ZKSCAN2: variants seen among roughly 807,000 people sequenced by gnomAD.
The protein encoded by ZKSCAN2 is zinc finger protein with KRAB and SCAN domains 2.
A neutral mutation model predicts 90.5 loss-of-function variants in ZKSCAN2; 38 were observed. That is an observed-to-expected ratio of 0.42 (90% CI 0.32 to 0.55). The LOEUF is 0.55. Ranked by LOEUF, ZKSCAN2 falls within the 20% of genes least tolerant of loss-of-function variation. The pLI is 0.11. For missense variants in ZKSCAN2, 1,167 were observed against 1,202.6 expected (o/e 0.97, Z 0.44); for synonymous variants, 429 against 421.6 (o/e 1.02, Z -0.22).
rs191901989 is a variant in ZKSCAN2, at chr16:25,253,901, G to A, written c.587-864C>T. ...CACACGCCTGTAATCCCAGCTACTC[G>A]AGAGACTGAGGCACGAGAATTGCTG... On this transcript the variant is annotated intron_variant, in intron 2 of 6. Transcript: ENST00000328086. 3.5e-4 allele frequency among the ~76,000 whole-genome samples: 53 copies of A among 152,316 alleles called. 1 individual carries two copies. The highest frequency in any genetic ancestry group is 1.2e-3 in the African/African-American group (51 of 41,572).
Position 25,239,789 on chromosome 16 carries a change from G to A in ZKSCAN2, c.*27C>T. The A allele has an allele frequency of 6.5e-7, 1 of 1,538,492 alleles. No individual in the cohort carries two copies. Among genetic ancestry groups the A allele is most frequent in the Admixed American group, 2.1e-5 (1 of 48,664 alleles). The stretch of plus-strand genomic sequence containing the variant: ...ATGAGATTAGGGTAAAATGGCTAAG[G>A]GGGCATTTAGGAAGAGAAGATCATC... On this transcript the variant is annotated 3_prime_UTR_variant, in exon 7 of 7. Transcript: ENST00000328086.
In ZKSCAN2 at chr16:25,246,890, CAGTGGACGG is replaced by C. The variant is rs1281541235; in HGVS notation, c.1297_1305del (p.Pro433_Thr435del). 3 of 1,614,082 alleles carry C rather than the reference CAGTGGACGG, an allele frequency of 1.9e-6. No individual in the cohort carries two copies. Among genetic ancestry groups the C allele is most frequent in the Non-Finnish European group, 2.5e-6 (3 of 1,180,038 alleles). The stretch of plus-strand genomic sequence containing the variant: ...ACAGGTATCATCTCCTTTGGTTTAT[CAGTGGACGG>C]AGCACGGGCTGCAGGGTTCAACAAA... On this transcript the variant is annotated inframe_deletion, in exon 5 of 7. Transcript: ENST00000328086.
Position 25,257,234 on chromosome 16 carries a change from T to C in ZKSCAN2, c.-107A>G. 6.8e-7 allele frequency: 1 copy of C among 1,470,662 alleles called. No individual in the cohort carries two copies. Among genetic ancestry groups the C allele is most frequent in the Non-Finnish European group, 9.0e-7 (1 of 1,115,596 alleles). The allele number at this position is 1,470,662 out of a possible 1,614,324, so 91.1% of individuals were successfully genotyped here. A position where few individuals can be genotyped will look rare whatever the true frequency, so the allele number is the denominator to read the frequency against. On this transcript the variant is annotated 5_prime_UTR_variant, in exon 1 of 7. Coordinates refer to ENST00000328086, the MANE Select transcript of ZKSCAN2 (RefSeq NM_001012981.5). ...CTGGGAGTGTGATAAGGTACGGAGG[T>C]AAAAACGGCCAGGTCGGCAGGAACA...
At chr16:25,245,390 C>T (rs1420145944) in intron 5 of ZKSCAN2, among the ~76,000 whole-genome samples, 1 of 152,202 alleles carries the variant, frequency 6.6e-6, no homozygotes, top group African/African-American at 2.4e-5. Flanking sequence ...AGGTATGAAC[C>T]ACCACATCCA....
chr16:25,249,880 T>C (rs963406820), intron 4 of ZKSCAN2, among the ~76,000 whole-genome samples: 4 of 152,190 alleles, frequency 2.6e-5, no homozygotes, highest in Admixed American at 6.5e-5. Context: ...CTTGAAGAGA[T>C]AGCTGTACTC....
At chr16:25,243,753 T>C (rs1962887327) in intron 6 of ZKSCAN2, 32 bp downstream of exon 6, 1 of 1,564,970 alleles carries the variant, frequency 6.4e-7, no homozygotes, top group Non-Finnish European at 8.6e-7. Flanking sequence ...TATTCCTCTT[T>C]TGGACTAAAA....
chr16:25,237,075 CGTGT>C lies in ZKSCAN2; in HGVS notation c.*2737_*2740del, dbSNP rs1046200954. 3.9e-5 allele frequency: 6 copies of C among 152,136 alleles called. No individual in the cohort carries two copies. In the Admixed American group the frequency reaches 3.9e-4, roughly 10 times the overall value. 9.4% of individuals were successfully genotyped at this position (152,136 alleles called of 1,614,324 possible). On this transcript the variant is annotated 3_prime_UTR_variant, in exon 7 of 7. Transcript: ENST00000328086. Reference sequence around the variant, plus strand: ...ATACAGATCTACACACACATGTAGACGTGTGTGTGTACACATACTGCGCTTAGGA... The same window carrying C: ...ATACAGATCTACACACACATGTAGACGTGTGTACACATACTGCGCTTAGGA...
chr16:25,246,067 G>A (rs1041584045), intron 5 of ZKSCAN2, among the ~76,000 whole-genome samples: 5 of 152,128 alleles, frequency 3.3e-5, no homozygotes, highest in African/African-American at 4.8e-5. Flanking sequence ...TTTGCATGGT[G>A]TATCTGTCTG....
In ZKSCAN2 at chr16:25,255,363, G is replaced by A. The variant is rs768530095; in HGVS notation, c.429C>T (p.His143=). 3 of 1,612,836 alleles carry A rather than the reference G, an allele frequency of 1.9e-6. No homozygotes were observed. The highest frequency in any genetic ancestry group is 4.5e-5 in the East Asian group (2 of 44,834). Residue 143 remains histidine, a synonymous_variant, in exon 2 of 7, where the codon CAC becomes CAT. Transcript: ENST00000328086. ...QVSSPVHREK[H]SPLGAAWEVA... ...CCTCCCACGCTGCTCCAAGTGGGGA[G>A]TGCTTCTCCCGGTGCACGGGACTGC...
chr16:25,244,966 T>C (rs1962911634), intron 5 of ZKSCAN2, among the ~76,000 whole-genome samples: 1 of 152,242 alleles, frequency 6.6e-6, no homozygotes, highest in Non-Finnish European at 1.5e-5. Flanking sequence ...CTATCCTCTA[T>C]CTTACTAGGT....
In ZKSCAN2 at chr16:25,240,462, T is replaced by C. The variant is rs757743340; in HGVS notation, c.2258A>G (p.Tyr753Cys). 6.2e-7 allele frequency: 1 copy of C among 1,614,168 alleles called. No individual in the cohort carries two copies. Among genetic ancestry groups the C allele is most frequent in the Non-Finnish European group, 8.5e-7 (1 of 1,180,022 alleles). ...AGTGCTCCTTCCAAAGCTTTCTCCATATTTGAGAAGTCTGTAGGGTCTCTT... is the reference window on the plus strand; with the variant it reads ...AGTGCTCCTTCCAAAGCTTTCTCCACATTTGAGAAGTCTGTAGGGTCTCTT... ...VGKRPYRLLK[Y>C]GESFGRSTRL... The change falls in exon 7 of 7, where the codon TAT (tyrosine) becomes TGT (cysteine). Residue 753 changes from tyrosine to cysteine, a missense_variant. By Grantham distance (194) the Tyr-to-Cys change is radical (BLOSUM62 -2). Transcript: ENST00000328086.
intron 3 of ZKSCAN2, 125 bp from the exon 4 acceptor site, chr16:25,252,160 C>T (rs967311587): frequency 2.6e-5 from 28 of 1,078,626 alleles, no homozygotes; most frequent in East Asian, 1.0e-4. Context: ...GGATAGTTTG[C>T]GCCAAATGAA....
intron 1 of ZKSCAN2, 54 bp downstream of exon 1, chr16:25,256,675 G>A (rs1702516077): frequency 1.9e-6 from 3 of 1,549,588 alleles, no homozygotes; most frequent in East Asian, 2.2e-5. Flanking sequence ...CTGCCCACAT[G>A]CCTTTCCCAT....
At chr16:25,246,479 G>T in intron 5 of ZKSCAN2, 1 of 581,240 alleles carries the variant, frequency 1.7e-6, no homozygotes, top group Non-Finnish European at 3.1e-6. Context: ...TCCATGCTGT[G>T]CTCTAAAGTG....
At chr16:25,246,455 C>T in intron 5 of ZKSCAN2, 1 of 543,744 alleles carries the variant, frequency 1.8e-6, no homozygotes, top group Non-Finnish European at 3.3e-6. Flanking sequence ...CCACAAGGAC[C>T]CAAACACTCA....
At chr16:25,256,544 T>C (rs1432775776) in intron 1 of ZKSCAN2, among the ~76,000 whole-genome samples, 185 bp downstream of exon 1, 1 of 152,192 alleles carries the variant, frequency 6.6e-6, no homozygotes, top group Non-Finnish European at 1.5e-5. Flanking sequence ...TTTTTCTATT[T>C]CATGTGAAAT....
At position 25,252,016 on chromosome 16, in the gene ZKSCAN2, T is replaced by A. The variant is rs1202185748; in HGVS notation, c.698A>T (p.His233Leu). The A allele has an allele frequency of 6.2e-7, 1 of 1,614,162 alleles. No homozygotes were observed. The highest frequency in any genetic ancestry group is 8.5e-7 in the Non-Finnish European group (1 of 1,179,994). The part of the protein sequence containing the change: ...AGSQEPVKDV[H>L]VARGFSYRKS... ...TCTGTAGGAAAAGCCTCTGGCCACG[T>A]GGACATCTTTCACTGGTTCCTGTAA... is the stretch of plus-strand genomic sequence containing the variant. The change falls in exon 4 of 7, where the codon CAC becomes CTC. Residue 233 changes from histidine (H) to leucine (L), a missense_variant. Coordinates refer to ENST00000328086, the MANE Select transcript of ZKSCAN2 (RefSeq NM_001012981.5).
intron 6 of ZKSCAN2, among the ~76,000 whole-genome samples, chr16:25,242,252 A>C (rs978486938): frequency 6.6e-6 from 1 of 152,192 alleles, no homozygotes; most frequent in African/African-American, 2.4e-5. Flanking sequence ...TGGCTCAGAG[A>C]AAGCTTGATA....
In ZKSCAN2 at chr16:25,239,981, C is replaced by T. The variant is rs1244794794; in HGVS notation, c.2739G>A (p.Lys913=). Residue 913 remains lysine (K), a synonymous_variant, in exon 7 of 7, where the codon AAG becomes AAA. Transcript: ENST00000328086. ...REHRRIHTGE[K]PYGCAQCGKR... ...TGCCACACTGGGCACATCCATAGGG[C>T]TTCTCTCCAGTGTGTATTCTCCGAT... 16 of 1,614,012 alleles carry T rather than the reference C, an allele frequency of 9.9e-6. No individual in the cohort carries two copies. Among genetic ancestry groups the T allele is most frequent in the Non-Finnish European group, 1.3e-5 (15 of 1,180,022 alleles).
Sources: allele counts gnomAD v4.1 joint callset (sites outside exome capture counted in the v4.1 genomes callset), GRCh38; gene constraint gnomAD v4.1.1; transcripts MANE v1.5; gene names NCBI Gene and HGNC (gene_info 2026-07-23, HGNC 2026-07-21).